Variants in SSH2 observed in about 807,000 individuals in gnomAD.
SSH2 encodes the protein protein phosphatase Slingshot homolog 2.
SSH2 carries 37 observed loss-of-function variants against 135.2 expected under a neutral mutation model. That is an observed-to-expected ratio of 0.27 (90% CI 0.21 to 0.36). The LOEUF (loss-of-function observed/expected upper bound fraction) is 0.36, where lower values mean the gene tolerates loss of function less well. Among genes scored for constraint, SSH2 ranks in the 10% least tolerant of loss-of-function variants. SSH2 has a pLI of 1.00. For synonymous variants in SSH2, 628 were observed against 646.2 expected, an observed-to-expected ratio of 0.97 and a Z score of 0.43; for missense variants, 1,408 against 1,765.3, an observed-to-expected ratio of 0.80 and a Z score of 3.63.
At chr17:29,793,698 A>G in intron 3 of SSH2, 196 bp downstream of exon 3, 1 of 510,508 alleles carries the variant, frequency 2.0e-6, no homozygotes, top group East Asian at 3.2e-5. Context: ...GCCTTAAGCA[A>G]TCCCAAGTAG....
intron 3 of SSH2, among the ~76,000 whole-genome samples, chr17:29,735,394 T>C (rs2040331203): frequency 6.6e-6 from 1 of 152,116 alleles, no homozygotes; most frequent in Admixed American, 6.6e-5. Flanking sequence ...CTGTGGACTC[T>C]CATTTTAAAG....
rs935869503 is a variant in SSH2, at chr17:29,902,532, TA to T, written c.63+27405del. ...CCTATCATCTACTTTCTGTTGCCCT[TA>T]AAAAAAAAAACCCCAATAATTTGTC... On this transcript the variant is annotated intron_variant, in intron 1 of 15. Coordinates refer to ENST00000540801, the MANE Select transcript of SSH2 (RefSeq NM_001282129.2). Among the ~76,000 whole-genome samples the T allele has an allele frequency of 1.9e-3, 283 of 145,318 alleles. 3 individuals carry two copies. The highest frequency in any genetic ancestry group is 7.2e-3 in the East Asian group (36 of 5,016).
chr17:29,679,723 A>C (rs1041753856), intron 6 of SSH2, among the ~76,000 whole-genome samples: 6 of 152,250 alleles, frequency 3.9e-5, no homozygotes, highest in Admixed American at 2.6e-4. Flanking sequence ...AATCTTAGGC[A>C]AATTACTTAA....
chr17:29,914,436 G>A (rs984571487), intron 1 of SSH2, among the ~76,000 whole-genome samples: 1 of 151,634 alleles, frequency 6.6e-6, no homozygotes, highest in African/African-American at 2.4e-5. Context: ...GTGGTGGTAC[G>A]CACCTGTAGT....
At chr17:29,908,490 C>T (rs1003469940) in intron 1 of SSH2, among the ~76,000 whole-genome samples, 15 of 151,844 alleles carry the variant, frequency 9.9e-5, no homozygotes, top group African/African-American at 2.7e-4. Flanking sequence ...TCTGGCTGGG[C>T]GCAGTGGCTC....
intron 3 of SSH2, among the ~76,000 whole-genome samples, chr17:29,715,683 C>G (rs2039599551): frequency 6.6e-6 from 1 of 152,182 alleles, no homozygotes; most frequent in Non-Finnish European, 1.5e-5. Flanking sequence ...CAGTAACTCT[C>G]TGTTTAGCAC....
chr17:29,859,288 T>A (rs2065718989), intron 1 of SSH2, among the ~76,000 whole-genome samples: 1 of 152,172 alleles, frequency 6.6e-6, no homozygotes, highest in South Asian at 2.1e-4. Flanking sequence ...TTACACTTTT[T>A]TTTCTTTCTC....
chr17:29,781,836 CCTCT>C (rs1184118081), intron 3 of SSH2, among the ~76,000 whole-genome samples: 1 of 149,686 alleles, frequency 6.7e-6, no homozygotes, highest in Admixed American at 6.7e-5. Flanking sequence ...TTCTCTCTCT[CCTCT>C]CTCTCTCTCT....
At chr17:29,899,042 C>A (rs1396052225) in intron 1 of SSH2, among the ~76,000 whole-genome samples, 12 of 152,156 alleles carry the variant, frequency 7.9e-5, no homozygotes, top group Non-Finnish European at 1.6e-4. Context: ...ACGATTATCT[C>A]AATAGATGCA....
chr17:29,900,102 C>A (rs1419068384), intron 1 of SSH2, among the ~76,000 whole-genome samples: 1 of 152,102 alleles, frequency 6.6e-6, no homozygotes, highest in Non-Finnish European at 1.5e-5. Context: ...AAACTGGATC[C>A]CTTCCTTACA....
intron 3 of SSH2, among the ~76,000 whole-genome samples, chr17:29,787,195 T>C (rs1238365124): frequency 6.6e-6 from 1 of 152,238 alleles, no homozygotes; most frequent in African/African-American, 2.4e-5. Flanking sequence ...ATTTGATTAT[T>C]CTAGGTATCT....
At position 29,832,174 on chromosome 17, in the gene SSH2, C is replaced by T. The variant is rs111862957; in HGVS notation, c.144+16675G>A. ...TTCTGTTTTTTTTGACATGGGGTCTCGCTCTGTTGCCCAGGTGAGGGTGCA... is the reference window on the plus strand; with the variant it reads ...TTCTGTTTTTTTTGACATGGGGTCTTGCTCTGTTGCCCAGGTGAGGGTGCA... On this transcript the variant is annotated intron_variant, in intron 2 of 15. Coordinates refer to ENST00000540801, the MANE Select transcript of SSH2 (RefSeq NM_001282129.2). 7.5e-3 allele frequency among the ~76,000 whole-genome samples: 1,135 copies of T among 152,220 alleles called. 11 individuals carry two copies. The highest frequency in any genetic ancestry group is 0.022 in the African/African-American group (930 of 41,518).
intron 3 of SSH2, among the ~76,000 whole-genome samples, chr17:29,724,547 C>CAA (rs1186523685): frequency 1.9e-5 from 2 of 104,130 alleles, no homozygotes; most frequent in South Asian, 3.2e-4. Context: ...AAAAAAAAAA[C>CAA]AAAACCCTAT....
chr17:29,837,089 T>C (rs1254157514), intron 2 of SSH2, among the ~76,000 whole-genome samples: 4 of 152,020 alleles, frequency 2.6e-5, no homozygotes, highest in Admixed American at 2.0e-4. Context: ...AAACCCATTC[T>C]CTACTAAAAA....
At chr17:29,649,125 A>G (rs892566028) in intron 13 of SSH2, among the ~76,000 whole-genome samples, 21 of 151,560 alleles carry the variant, frequency 1.4e-4, no homozygotes, top group African/African-American at 4.9e-4. Context: ...TGGGCAACAG[A>G]GCAAGACTCT....
At chr17:29,831,042 T>C (rs771741760) in intron 2 of SSH2, among the ~76,000 whole-genome samples, 2 of 152,178 alleles carry the variant, frequency 1.3e-5, no homozygotes, top group African/African-American at 2.4e-5. Flanking sequence ...TGGATTTTAA[T>C]TTTTACTTGT....
intron 1 of SSH2, among the ~76,000 whole-genome samples, chr17:29,865,409 A>G (rs1219034589): frequency 6.6e-6 from 1 of 152,216 alleles, no homozygotes; most frequent in Non-Finnish European, 1.5e-5. Context: ...TTTCCTATCC[A>G]GTCTATAAAA....
intron 1 of SSH2, among the ~76,000 whole-genome samples, chr17:29,926,445 T>C (rs1342755104): frequency 1.3e-5 from 2 of 150,190 alleles, no homozygotes; most frequent in Admixed American, 6.6e-5. Context: ...TCCCAGCTAC[T>C]GGGGAAGCTG....
intron 4 of SSH2, among the ~76,000 whole-genome samples, chr17:29,696,400 T>A (rs187644226): frequency 6.8e-6 from 1 of 147,672 alleles, no homozygotes; most frequent in East Asian, 2.0e-4. Flanking sequence ...TATTTATACA[T>A]ATCCATACAT....
Sources: gnomAD v4.1 joint callset for allele counts (sites outside exome capture counted in the v4.1 genomes callset) on GRCh38, gnomAD v4.1.1 for gene constraint, MANE v1.5 for transcripts, NCBI Gene and HGNC (gene_info 2026-07-23, HGNC 2026-07-21) for gene names.